ELL2: variants seen among roughly 807,000 people sequenced by gnomAD.
ELL2 encodes elongation factor for RNA polymerase II 2, also known as RNA polymerase II elongation factor ELL2.
Under a neutral mutation model 72.8 loss-of-function variants are expected in ELL2, and 21 were observed. The observed-to-expected ratio is 0.29, with a 90% CI of 0.20 to 0.42. The LOEUF (loss-of-function observed/expected upper bound fraction) is 0.42. ELL2 is among the 10% of genes least tolerant of loss of function. ELL2 has a pLI of 1.00. For synonymous variants in ELL2, 266 were observed against 283.2 expected (o/e 0.94, Z 0.61); for missense variants, 568 against 772.8 (o/e 0.73, Z 3.14).
chr5:95,954,657 G>A (rs1376221904), intron 1 of ELL2, among the ~76,000 whole-genome samples: 1 of 142,974 alleles, frequency 7.0e-6, no homozygotes, highest in Non-Finnish European at 1.5e-5. Context: ...AGCCAGGATG[G>A]TCTCGATTTC....
At chr5:95,915,991 G>A (rs1749779574) in intron 3 of ELL2, among the ~76,000 whole-genome samples, 1 of 151,828 alleles carries the variant, frequency 6.6e-6, no homozygotes. Context: ...CTGGATGGAG[G>A]ATAGATTGAG....
chr5:95,949,439 GA>G (rs1751292282), intron 1 of ELL2, among the ~76,000 whole-genome samples: 1 of 152,036 alleles, frequency 6.6e-6, no homozygotes, highest in Non-Finnish European at 1.5e-5. Context: ...TCTGGGCCTA[GA>G]AAATAACAAT....
At chr5:95,950,902 G>GTATATA (rs1751352182) in intron 1 of ELL2, among the ~76,000 whole-genome samples, 1 of 75,038 alleles carries the variant, frequency 1.3e-5, no homozygotes, top group Non-Finnish European at 2.9e-5. Context: ...ATGTATGTAT[G>GTATATA]TGTATATATA....
Position 95,935,353 on chromosome 5 carries a change from T to G in ELL2, c.195+7649A>C, listed in dbSNP as rs376012334. Among the ~76,000 whole-genome samples the G allele has an allele frequency of 3.9e-5, 6 of 152,180 alleles. No individual in the cohort carries two copies. The East Asian group carries it at 9.6e-4, about 24-fold the overall frequency. On this transcript the variant is annotated intron_variant, in intron 2 of 11. Coordinates refer to ENST00000237853, the MANE Select transcript of ELL2 (RefSeq NM_012081.6). ...AGCCTGTCATTGTTCTTAATTAATA[T>G]GGGCAAAATTTAACAAAAGGAGCTT...
chr5:95,931,133 T>C (rs1426386144), intron 2 of ELL2, among the ~76,000 whole-genome samples: 10 of 151,836 alleles, frequency 6.6e-5, no homozygotes, highest in Admixed American at 5.9e-4. Flanking sequence ...TCTAGGATGC[T>C]AGATCATTGG....
chr5:95,943,459 G>A (rs1463615764), intron 1 of ELL2, among the ~76,000 whole-genome samples: 1 of 151,980 alleles, frequency 6.6e-6, no homozygotes, highest in Non-Finnish European at 1.5e-5. Flanking sequence ...AGCTAATCAT[G>A]TTTTTGAAAC....
At chr5:95,917,154 T>G (rs577493139) in intron 3 of ELL2, among the ~76,000 whole-genome samples, 2 of 152,322 alleles carry the variant, frequency 1.3e-5, no homozygotes, top group Non-Finnish European at 2.9e-5. Flanking sequence ...TGTGCATTAT[T>G]ATACACTATA....
At chr5:95,950,932 A>G (rs1305237435) in intron 1 of ELL2, among the ~76,000 whole-genome samples, 6 of 127,702 alleles carry the variant, frequency 4.7e-5, no homozygotes, top group African/African-American at 1.6e-4. Context: ...ATATATATAT[A>G]TATATATATA....
intron 1 of ELL2, among the ~76,000 whole-genome samples, chr5:95,951,798 G>A (rs1371222482): frequency 6.6e-6 from 1 of 152,196 alleles, no homozygotes; most frequent in African/African-American, 2.4e-5. Flanking sequence ...ATCCTGAGGA[G>A]AGATGATGGT....
At chr5:95,932,847 G>C (rs1401781303) in intron 2 of ELL2, 1 of 152,052 alleles carries the variant, frequency 6.6e-6, no homozygotes. Context: ...AAAAGTTAGA[G>C]AAATAGAGTA....
chr5:95,956,609 C>CA (rs1040323365), intron 1 of ELL2, among the ~76,000 whole-genome samples: 9 of 151,478 alleles, frequency 5.9e-5, no homozygotes, highest in African/African-American at 1.9e-4. Flanking sequence ...TATGGGCAGG[C>CA]AAAAAAAGAA....
At chr5:95,928,265 C>A (rs530269788) in intron 2 of ELL2, among the ~76,000 whole-genome samples, 2 of 152,238 alleles carry the variant, frequency 1.3e-5, no homozygotes, top group Admixed American at 1.3e-4. Context: ...AGACAGCCAT[C>A]GAGAAAATCT....
At position 95,891,288 on chromosome 5, in the gene ELL2, A is replaced by T; in HGVS notation, c.1590-14T>A. 6.3e-7 allele frequency: 1 copy of T among 1,592,910 alleles called. No homozygotes were observed. The highest frequency in any genetic ancestry group is 8.5e-7 in the Non-Finnish European group (1 of 1,172,312). On this transcript the variant is annotated splice_polypyrimidine_tract_variant and intron_variant, in intron 9 of 11. Transcript: ENST00000237853. ...GCGATATATTTTCTAATAAGAAAAAAGATAAATGGAGAGTAGCTACCCAAT... is the reference window on the plus strand; with the variant it reads ...GCGATATATTTTCTAATAAGAAAAATGATAAATGGAGAGTAGCTACCCAAT...
chr5:95,916,880 A>T (rs1215878989), intron 3 of ELL2, among the ~76,000 whole-genome samples: 2 of 152,112 alleles, frequency 1.3e-5, no homozygotes, highest in African/African-American at 4.8e-5. Context: ...GAAAGTTTGT[A>T]TTTCAACATC....
chr5:95,931,265 C>T (rs1295694675), intron 2 of ELL2, among the ~76,000 whole-genome samples: 2 of 151,990 alleles, frequency 1.3e-5, no homozygotes, highest in African/African-American at 2.4e-5. Context: ...AATGATATTA[C>T]CCACCTCATA....
Position 95,888,520 on chromosome 5 carries a change from A to G in ELL2, c.*351T>C. 1 of 165,106 alleles carries G rather than the reference A, an allele frequency of 6.1e-6. No individual in the cohort carries two copies. Among genetic ancestry groups the G allele is most frequent in the Non-Finnish European group, 1.3e-5 (1 of 77,076 alleles). The allele number at this position is 165,106 out of a possible 1,614,324, so 10.2% of individuals were successfully genotyped here. ...TGTTTTTTAAACACATACAACTTTT[A>G]AGTGTGGACACTGGATCCCCAATAT... On this transcript the variant is annotated 3_prime_UTR_variant, in exon 12 of 12. Transcript: ENST00000237853.
Position 95,927,485 on chromosome 5 carries a change from G to A in ELL2, c.196-7940C>T, listed in dbSNP as rs566923171. 1.1e-3 allele frequency among the ~76,000 whole-genome samples: 24 copies of A among 21,690 alleles called. 1 individual carries two copies. The highest frequency in any genetic ancestry group is 1.5e-3 in the Non-Finnish European group (21 of 13,762). The allele number at this position is 21,690 out of a possible 152,430, so 14.2% of individuals were successfully genotyped here. A position where few individuals can be genotyped will look rare whatever the true frequency, so the allele number is the denominator to read the frequency against. Reference sequence around the variant, plus strand: ...CGTGTGTATATAGACATACACACACGTGTGTATATAGACATACACACACGT... The same window carrying A: ...CGTGTGTATATAGACATACACACACATGTGTATATAGACATACACACACGT... On this transcript the variant is annotated intron_variant, in intron 2 of 11. Coordinates refer to ENST00000237853, the MANE Select transcript of ELL2 (RefSeq NM_012081.6).
intron 9 of ELL2, among the ~76,000 whole-genome samples, chr5:95,891,653 G>T (rs1748667547): frequency 6.6e-6 from 1 of 152,174 alleles, no homozygotes. Flanking sequence ...GAGACAGAAG[G>T]ACTCAATGGG....
chr5:95,950,226 T>C (rs1444502185), intron 1 of ELL2, among the ~76,000 whole-genome samples: 1 of 152,182 alleles, frequency 6.6e-6, no homozygotes, highest in Non-Finnish European at 1.5e-5. Context: ...TTGGATAAAA[T>C]AGATCATCTT....
Sources: gnomAD v4.1 joint callset for allele counts (sites outside exome capture counted in the v4.1 genomes callset) on GRCh38, gnomAD v4.1.1 for gene constraint, MANE v1.5 for transcripts, NCBI Gene and HGNC (gene_info 2026-07-23, HGNC 2026-07-21) for gene names.